The following RPIA variants were observed in gnomAD, a reference collection of about 807,000 sequenced individuals.
RPIA encodes ribose 5-phosphate isomerase A.
RPIA carries 29 observed loss-of-function variants against 37.8 expected under a neutral mutation model. That is an observed-to-expected ratio of 0.77 (90% CI 0.57 to 1.05). RPIA has a LOEUF of 1.05. Among genes scored for constraint, RPIA ranks in the 50% least tolerant of loss-of-function variants. The probability of loss-of-function intolerance (pLI) is 0.00; values close to 1 mark genes in which losing one functional copy is unlikely to be tolerated. For synonymous variants in RPIA, 167 were observed against 157.0 expected (o/e 1.06, Z -0.48); for missense variants, 385 against 413.6 (o/e 0.93, Z 0.60).
At chr2:88,735,586 G>T (rs188027084) in intron 5 of RPIA, 83 bp from the exon 6 acceptor site, 4 of 1,221,580 alleles carry the variant, frequency 3.3e-6, no homozygotes, top group Non-Finnish European at 4.9e-6. Flanking sequence ...GGATTGAGTG[G>T]ATTTGGGATT....
intron 3 of RPIA, among the ~76,000 whole-genome samples, chr2:88,726,893 G>T (rs1451264525): frequency 6.6e-6 from 1 of 151,990 alleles, no homozygotes; most frequent in African/African-American, 2.4e-5. Context: ...CAGGTACCAT[G>T]ATGCCTAGCT....
chr2:88,745,359 T>C (rs988929912), intron 8 of RPIA, among the ~76,000 whole-genome samples: 1 of 152,208 alleles, frequency 6.6e-6, no homozygotes, highest in Non-Finnish European at 1.5e-5. Flanking sequence ...CACTGTGATA[T>C]TGTTTCATAG....
intron 1 of RPIA, among the ~76,000 whole-genome samples, chr2:88,696,657 G>A (rs923496891): frequency 6.6e-6 from 1 of 152,114 alleles, no homozygotes. Context: ...GAACTGGAAA[G>A]GTTATTAGAA....
intron 3 of RPIA, among the ~76,000 whole-genome samples, chr2:88,713,809 A>G (rs1398863513): frequency 6.7e-6 from 1 of 150,102 alleles, no homozygotes. Flanking sequence ...TGACCCTTTT[A>G]TTGAGCTTTC....
chr2:88,701,403 A>T (rs1361539091), intron 3 of RPIA, among the ~76,000 whole-genome samples: 1 of 152,220 alleles, frequency 6.6e-6, no homozygotes, highest in South Asian at 2.1e-4. Flanking sequence ...TAGTTAATAA[A>T]TTACATTGGT....
chr2:88,695,836 C>A (rs756017842), intron 1 of RPIA, among the ~76,000 whole-genome samples: 1 of 151,858 alleles, frequency 6.6e-6, no homozygotes, highest in Non-Finnish European at 1.5e-5. Context: ...GTCAATAACA[C>A]AAAAGTTGTT....
chr2:88,716,113 C>T (rs1461718530), intron 3 of RPIA, among the ~76,000 whole-genome samples: 3 of 152,140 alleles, frequency 2.0e-5, no homozygotes, highest in South Asian at 2.1e-4. Context: ...TGATTGCTTC[C>T]TCTACCCTAT....
chr2:88,727,859 T>A (rs182483590), intron 3 of RPIA, among the ~76,000 whole-genome samples: 1 of 152,126 alleles, frequency 6.6e-6, no homozygotes, highest in Non-Finnish European at 1.5e-5. Flanking sequence ...AATCATAAGG[T>A]TTTTTTTGAA....
chr2:88,693,150 A>G (rs1676966792), intron 1 of RPIA, among the ~76,000 whole-genome samples: 1 of 152,262 alleles, frequency 6.6e-6, no homozygotes, highest in East Asian at 1.9e-4. Flanking sequence ...ATCTGCATAC[A>G]GTGAATAGCT....
At chr2:88,694,986 A>AG (rs1672709949) in intron 1 of RPIA, among the ~76,000 whole-genome samples, 1 of 146,278 alleles carries the variant, frequency 6.8e-6, no homozygotes, top group African/African-American at 2.6e-5. Flanking sequence ...TCTCAAAAAA[A>AG]AAAAAAAAAG....
In RPIA at chr2:88,698,538, C is replaced by A. The variant is rs532924455; in HGVS notation, c.340C>A (p.Arg114=). The change falls in exon 2 of 9, where the codon CGA becomes AGA. Residue 114 remains arginine (R), a synonymous_variant. Transcript: ENST00000283646. ...SGSTIVHAVQ[R]IAERVKQENL... ...TTCTACAATTGTCCATGCTGTGCAG[C>A]GAATAGGTATGCTCTCTCACTGTCT... 8.1e-6 allele frequency: 13 copies of A among 1,613,410 alleles called. No homozygotes were observed. Among genetic ancestry groups the A allele is most frequent in the African/African-American group, 5.3e-5 (4 of 74,870 alleles).
chr2:88,716,990 A>T (rs1427131188), intron 3 of RPIA, among the ~76,000 whole-genome samples: 1 of 152,190 alleles, frequency 6.6e-6, no homozygotes, highest in African/African-American at 2.4e-5. Flanking sequence ...ATATGATTTA[A>T]TGCTAGTAGA....
In RPIA at chr2:88,691,706, G is replaced by T. The variant is rs748572192; in HGVS notation, c.8G>T (p.Arg3Leu). The T allele has an allele frequency of 1.9e-6, 3 of 1,574,238 alleles. No homozygotes were observed. The African/African-American group carries it at 4.1e-5, about 21-fold the overall frequency. The change falls in exon 1 of 9, where the codon CGC (arginine) becomes CTC (leucine). Residue 3 changes from arginine (R) to leucine (L), a missense_variant. Transcript: ENST00000283646. Reference protein sequence around the residue: MQRPGPFSTLYGR... With the variant: MQLPGPFSTLYGR... ...CCGGAGCGAGGCGTCGGGATGCAGC[G>T]CCCCGGGCCCTTCAGCACCCTCTAC...
chr2:88,700,706 G>A (rs75525908), intron 3 of RPIA, among the ~76,000 whole-genome samples: 5,071 of 152,228 alleles, frequency 0.033, 255 homozygotes, highest in African/African-American at 0.12. Context: ...GGTAATGCAA[G>A]TACATCATAA....
At chr2:88,710,976 G>A (rs945264028) in intron 3 of RPIA, among the ~76,000 whole-genome samples, 4 of 152,188 alleles carry the variant, frequency 2.6e-5, no homozygotes, top group African/African-American at 9.7e-5. Flanking sequence ...AACGCTAGGC[G>A]ACCAGCCTAT....
At chr2:88,699,893 C>A in intron 2 of RPIA, 116 bp from the exon 3 acceptor site, 1 of 1,047,382 alleles carries the variant, frequency 9.5e-7, no homozygotes, top group Non-Finnish European at 1.5e-6. Context: ...GGATGAAAGG[C>A]AGCTGTCTTT....
At chr2:88,747,647 C>T (rs1165704) in intron 8 of RPIA, among the ~76,000 whole-genome samples, 34,332 of 152,062 alleles carry the variant, frequency 0.23, 4,351 homozygotes, top group Middle Eastern at 0.45. Context: ...CAGGGCTCTT[C>T]CTGCTGCTGC....
chr2:88,710,344 C>G (rs1391370409), intron 3 of RPIA, among the ~76,000 whole-genome samples: 1 of 152,132 alleles, frequency 6.6e-6, no homozygotes, highest in Non-Finnish European at 1.5e-5. Flanking sequence ...CTGCGCCCAG[C>G]CAAGGCAGTT....
chr2:88,718,744 A>G (rs1673067145), intron 3 of RPIA, among the ~76,000 whole-genome samples: 1 of 152,216 alleles, frequency 6.6e-6, no homozygotes. Flanking sequence ...ACTTATGCAA[A>G]TAACTGTATT....
Sources: allele counts gnomAD v4.1 joint callset (sites outside exome capture counted in the v4.1 genomes callset), GRCh38; gene constraint gnomAD v4.1.1; transcripts MANE v1.5; gene names NCBI Gene and HGNC (gene_info 2026-07-23, HGNC 2026-07-21).